Variants in ROR1 observed in about 807,000 individuals in gnomAD.
ROR1 encodes the protein ROR family WNT receptor 1, also known as inactive tyrosine-protein kinase transmembrane receptor ROR1.
Under a neutral mutation model 78.8 loss-of-function variants are expected in ROR1, and 19 were observed. That is an observed-to-expected ratio of 0.24 (90% CI 0.17 to 0.35). The LOEUF (loss-of-function observed/expected upper bound fraction) is 0.35, where lower values mean the gene tolerates loss of function less well. Among genes scored for constraint, ROR1 ranks in the 10% least tolerant of loss-of-function variants. The pLI, the probability that ROR1 is intolerant of heterozygous loss-of-function variation, is 1.00. For synonymous variants in ROR1, 386 were observed against 433.6 expected (o/e 0.89, Z 1.36); for missense variants, 917 against 1,177.8 (o/e 0.78, Z 3.24).
At chr1:63,853,936 C>T (rs1392089405) in intron 1 of ROR1, among the ~76,000 whole-genome samples, 1 of 152,124 alleles carries the variant, frequency 6.6e-6, no homozygotes, top group African/African-American at 2.4e-5. Flanking sequence ...GTAAAGATCA[C>T]CAGCTTCCCA....
intron 1 of ROR1, among the ~76,000 whole-genome samples, chr1:63,840,858 A>G (rs956623904): frequency 2.6e-5 from 4 of 152,202 alleles, no homozygotes; most frequent in African/African-American, 7.2e-5. Context: ...GAAAATGGGA[A>G]TAATACTATT....
chr1:63,998,958 T>G (rs971463353), intron 1 of ROR1, among the ~76,000 whole-genome samples: 2 of 152,164 alleles, frequency 1.3e-5, no homozygotes, highest in Non-Finnish European at 2.9e-5. Flanking sequence ...CACTTTTGCT[T>G]CTCTCTCATC....
At chr1:64,017,052 G>T (rs1461431679) in intron 2 of ROR1, among the ~76,000 whole-genome samples, 1 of 151,864 alleles carries the variant, frequency 6.6e-6, no homozygotes, top group East Asian at 1.9e-4. Flanking sequence ...AAGTCGCTGG[G>T]ACCACAGGTG....
intron 1 of ROR1, among the ~76,000 whole-genome samples, chr1:63,847,076 A>G (rs1645086086): frequency 2.6e-5 from 4 of 152,206 alleles, no homozygotes. Flanking sequence ...CACCTGACAG[A>G]TGGTGACTGC....
At chr1:63,858,848 C>T (rs531935040) in intron 1 of ROR1, among the ~76,000 whole-genome samples, 2 of 152,118 alleles carry the variant, frequency 1.3e-5, no homozygotes, top group Non-Finnish European at 2.9e-5. Flanking sequence ...AAGTGTACTA[C>T]TCGGCACATA....
chr1:63,855,704 A>T (rs1645143683), intron 1 of ROR1, among the ~76,000 whole-genome samples: 1 of 150,368 alleles, frequency 6.7e-6, no homozygotes, highest in South Asian at 2.1e-4. Flanking sequence ...GCTGGAGTGC[A>T]GTGGTATGAT....
chr1:64,021,420 T>C (rs1039736686), intron 2 of ROR1, among the ~76,000 whole-genome samples: 3 of 152,166 alleles, frequency 2.0e-5, no homozygotes, highest in Non-Finnish European at 4.4e-5. Flanking sequence ...AAATACAAAA[T>C]TCCTGTCTCA....
intron 8 of ROR1, among the ~76,000 whole-genome samples, chr1:64,172,708 T>TAAAC (rs775168206): frequency 1.6e-4 from 24 of 152,206 alleles, no homozygotes; most frequent in Non-Finnish European, 2.8e-4. Context: ...AAACAAAAAC[T>TAAAC]AAACAGATTT....
At chr1:63,777,460 G>A (rs949635534) in intron 1 of ROR1, among the ~76,000 whole-genome samples, 2 of 152,212 alleles carry the variant, frequency 1.3e-5, no homozygotes, top group Non-Finnish European at 2.9e-5. Flanking sequence ...CCGAACCAAG[G>A]TGGGATGGGC....
intron 2 of ROR1, among the ~76,000 whole-genome samples, chr1:64,025,221 C>T (rs1341511): frequency 0.46 from 70,196 of 151,870 alleles, 17,382 homozygotes; most frequent in East Asian, 0.65. Context: ...CTTTTCTCCA[C>T]AACCTAGACT....
chr1:64,092,427 A>G (rs1647207070), intron 4 of ROR1, among the ~76,000 whole-genome samples: 1 of 152,044 alleles, frequency 6.6e-6, no homozygotes. Flanking sequence ...TAGTTTTGTC[A>G]TCTGTAAATA....
intron 1 of ROR1, among the ~76,000 whole-genome samples, chr1:63,813,386 A>G (rs1644871916): frequency 6.6e-6 from 1 of 152,226 alleles, no homozygotes; most frequent in Non-Finnish European, 1.5e-5. Context: ...CACATAGCAG[A>G]CATTCAATAA....
intron 1 of ROR1, among the ~76,000 whole-genome samples, chr1:63,976,097 T>C (rs1481822135): frequency 6.6e-6 from 1 of 152,196 alleles, no homozygotes; most frequent in Non-Finnish European, 1.5e-5. Flanking sequence ...GACATGCATT[T>C]TTAAGTTAAC....
At chr1:64,012,963 A>G (rs903598310) in intron 2 of ROR1, among the ~76,000 whole-genome samples, 8 of 152,242 alleles carry the variant, frequency 5.3e-5, no homozygotes, top group South Asian at 2.1e-4. Context: ...GGTTTAGAAA[A>G]TGGACTTGAG....
In ROR1 at chr1:64,178,334, A is replaced by C. The variant is rs959492533; in HGVS notation, c.2293A>C (p.Asn765His). 2 of 1,614,154 alleles carry C rather than the reference A, an allele frequency of 1.2e-6. No homozygotes were observed. Among genetic ancestry groups the C allele is most frequent in the Non-Finnish European group, 1.7e-6 (2 of 1,180,018 alleles). ...AAGCTCTACTACTCCTTCAGGGGGA[A>C]ATGCCACCACACAGACAACCTCCCT... is the stretch of plus-strand genomic sequence containing the variant. ...HTSSTTPSGGNATTQTTSLSA... is the reference protein window; with the variant it reads ...HTSSTTPSGGHATTQTTSLSA... The change falls in exon 9 of 9, where the codon AAT becomes CAT. Residue 765 changes from asparagine (N) to histidine (H), a missense_variant. Physicochemically the swap from Asn to His is moderately conservative, Grantham distance 68. Around this residue, in one of 3 missense-constraint regions of ROR1, gnomAD observed 835 missense variants for 1,069.8 expected, o/e 0.78. Coordinates refer to ENST00000371079, the MANE Select transcript of ROR1 (RefSeq NM_005012.4). The surrounding 1 kb of genome is among the most constrained non-coding windows in gnomAD (Gnocchi z 4.3).
chr1:63,932,981 G>A (rs1332284480), intron 1 of ROR1, among the ~76,000 whole-genome samples: 1 of 152,148 alleles, frequency 6.6e-6, no homozygotes, highest in Non-Finnish European at 1.5e-5. Context: ...TGTAATAATT[G>A]CCAAGAGTCC....
chr1:63,832,675 T>C (rs1644995341), intron 1 of ROR1, among the ~76,000 whole-genome samples: 1 of 152,230 alleles, frequency 6.6e-6, no homozygotes. Flanking sequence ...GCTATAACAG[T>C]TGTTTTGAAA....
At chr1:63,887,052 T>C (rs1193765262) in intron 1 of ROR1, among the ~76,000 whole-genome samples, 2 of 152,176 alleles carry the variant, frequency 1.3e-5, no homozygotes, top group Non-Finnish European at 2.9e-5. Context: ...CAGGAGACCT[T>C]GTGTCTCCAC....
intron 1 of ROR1, among the ~76,000 whole-genome samples, chr1:63,821,532 A>G (rs1644923464): frequency 6.6e-6 from 1 of 152,184 alleles, no homozygotes; most frequent in South Asian, 2.1e-4. Context: ...GTGTGTACTT[A>G]TTTGGAGTCA....
Sources: allele counts gnomAD v4.1 joint callset (sites outside exome capture counted in the v4.1 genomes callset), GRCh38; gene constraint gnomAD v4.1.1; regional missense constraint gnomAD v4.1.1; non-coding constraint Gnocchi (gnomAD v3.1); transcripts MANE v1.5; gene names NCBI Gene and HGNC (gene_info 2026-07-23, HGNC 2026-07-21).